COL22A1: variants seen among roughly 807,000 people sequenced by gnomAD.
The protein encoded by COL22A1 is collagen alpha-1(XXII) chain.
COL22A1 carries 221 observed loss-of-function variants against 248.9 expected under a neutral mutation model. The observed-to-expected ratio is 0.89, with a 90% CI of 0.80 to 0.99. The LOEUF is 0.99. Ranked by LOEUF, COL22A1 falls within the 50% of genes least tolerant of loss-of-function variation. The pLI is 0.00. For missense variants in COL22A1, 2,240 were observed against 2,179.0 expected (o/e 1.03, Z -0.56); for synonymous variants, 891 against 793.4 (o/e 1.12, Z -2.07).
intron 41 of COL22A1, among the ~76,000 whole-genome samples, chr8:138,668,999 A>G (rs903229613): frequency 6.6e-6 from 1 of 152,208 alleles, no homozygotes; most frequent in Non-Finnish European, 1.5e-5. Context: ...AAAGAGGAGA[A>G]GTCAGACTCT....
chr8:138,645,253 A>T lies in COL22A1; in HGVS notation c.3501+1376T>A, dbSNP rs137959021. On this transcript the variant is annotated intron_variant, in intron 47 of 64. Transcript: ENST00000303045. ...ACTGCACATGTACAGCCAGAGGACC[A>T]CTCAGAACGTGCTTATGAGTAACGC... Among the ~76,000 whole-genome samples, 599 of 152,188 alleles carry T rather than the reference A, an allele frequency of 3.9e-3. 7 individuals carry two copies. Among genetic ancestry groups the T allele is most frequent in the African/African-American group, 0.014 (578 of 41,528 alleles).
At chr8:138,778,554 G>T (rs923956482) in intron 14 of COL22A1, 148 bp from the exon 15 acceptor site, 27 of 657,684 alleles carry the variant, frequency 4.1e-5, no homozygotes, top group Non-Finnish European at 7.0e-5. Flanking sequence ...CACAGGTCTC[G>T]CCAGCAGACA....
At chr8:138,617,016 G>A (rs1397776727) in intron 53 of COL22A1, 58 bp from the exon 54 acceptor site, 5 of 1,593,280 alleles carry the variant, frequency 3.1e-6, no homozygotes, top group Non-Finnish European at 4.3e-6. Flanking sequence ...GGCAGAAGTG[G>A]GCAGGCATAC....
chr8:138,699,813 C>A (rs1186395096), intron 32 of COL22A1, among the ~76,000 whole-genome samples: 1 of 152,246 alleles, frequency 6.6e-6, no homozygotes, highest in East Asian at 1.9e-4. Context: ...CTCAAAACCA[C>A]CAGCTACTCT....
At chr8:138,640,416 C>T (rs76322356) in intron 47 of COL22A1, among the ~76,000 whole-genome samples, 5,640 of 152,150 alleles carry the variant, frequency 0.037, 164 homozygotes, top group Non-Finnish European at 0.056. Flanking sequence ...TAACTCTCTA[C>T]GACTCTCAGA....
At chr8:138,897,295 C>T (rs1482789744) in intron 1 of COL22A1, among the ~76,000 whole-genome samples, 1 of 152,136 alleles carries the variant, frequency 6.6e-6, no homozygotes, top group East Asian at 1.9e-4. Flanking sequence ...CACCTGTAAT[C>T]CCAGCACTTT....
intron 44 of COL22A1, among the ~76,000 whole-genome samples, chr8:138,658,083 C>A (rs1349948116): frequency 1.3e-5 from 2 of 152,208 alleles, no homozygotes; most frequent in African/African-American, 4.8e-5. Flanking sequence ...AGAACCTAAT[C>A]TGACACAGAA....
At chr8:138,694,013 C>T (rs868787809) in intron 34 of COL22A1, among the ~76,000 whole-genome samples, 5 of 152,122 alleles carry the variant, frequency 3.3e-5, no homozygotes, top group African/African-American at 9.7e-5. Context: ...GCAGGATCTC[C>T]TACCATAGCA....
At position 138,679,636 on chromosome 8, in the gene COL22A1, A is replaced by G. The variant is rs144461812; in HGVS notation, c.3053T>C (p.Leu1018Pro). Residue 1018 changes from leucine to proline, a missense_variant, in exon 40 of 65, where the codon CTG becomes CCG. Leu to Pro is a moderately conservative substitution (Grantham distance 98). Coordinates refer to ENST00000303045, the MANE Select transcript of COL22A1 (RefSeq NM_152888.3). ...ACTGACCTTAACACATTGCCCTCCC[A>G]GTGCACAGTTTTCTGACCCTCTGAC... The part of the protein sequence containing the change: ...GKVRGSENCA[L>P]GGQCVKGDRG... 344 of 1,614,048 alleles carry G rather than the reference A, an allele frequency of 2.1e-4. 1 individual carries two copies. In the African/African-American group the frequency reaches 4.1e-3, roughly 19 times the overall value.
chr8:138,880,643 T>C (rs1443182267), intron 2 of COL22A1, among the ~76,000 whole-genome samples: 1 of 152,182 alleles, frequency 6.6e-6, no homozygotes, highest in Admixed American at 6.5e-5. Flanking sequence ...AGGCACTGAG[T>C]TACATCCCAG....
intron 22 of COL22A1, among the ~76,000 whole-genome samples, chr8:138,745,840 G>A (rs181553330): frequency 2.4e-4 from 37 of 152,298 alleles, no homozygotes; most frequent in African/African-American, 6.7e-4. Context: ...GGATTCAGAC[G>A]TAACTGCAGC....
chr8:138,853,492 A>G (rs1323172522), intron 3 of COL22A1, among the ~76,000 whole-genome samples: 3 of 151,766 alleles, frequency 2.0e-5, no homozygotes, highest in African/African-American at 7.3e-5. Flanking sequence ...TTAAGAAGAG[A>G]CTCCCTCTTT....
intron 31 of COL22A1, among the ~76,000 whole-genome samples, chr8:138,702,928 T>A (rs1828085287): frequency 6.6e-6 from 1 of 152,160 alleles, no homozygotes; most frequent in Non-Finnish European, 1.5e-5. Context: ...CAACTCACCA[T>A]GCCCACCCTA....
intron 6 of COL22A1, among the ~76,000 whole-genome samples, chr8:138,824,864 T>C (rs1226536626): frequency 6.6e-6 from 1 of 152,200 alleles, no homozygotes; most frequent in Non-Finnish European, 1.5e-5. Flanking sequence ...CAAGGGTAAA[T>C]TTCTGTGTGC....
chr8:138,740,925 C>T (rs943646724), intron 22 of COL22A1, among the ~76,000 whole-genome samples: 4 of 152,200 alleles, frequency 2.6e-5, no homozygotes, highest in East Asian at 1.9e-4. Flanking sequence ...GCCACAGGAA[C>T]CCACCCTGTT....
intron 41 of COL22A1, among the ~76,000 whole-genome samples, chr8:138,666,864 G>T (rs1824547127): frequency 6.6e-6 from 1 of 152,108 alleles, no homozygotes; most frequent in South Asian, 2.1e-4. Flanking sequence ...TAAATTAAAG[G>T]TCTTCATTTC....
intron 16 of COL22A1, among the ~76,000 whole-genome samples, chr8:138,770,003 G>T (rs1211207010): frequency 6.6e-6 from 1 of 152,112 alleles, no homozygotes; most frequent in African/African-American, 2.4e-5. Context: ...GCCACTAACT[G>T]GGAGAGGCAT....
chr8:138,776,543 C>G (rs1166319663), intron 15 of COL22A1, among the ~76,000 whole-genome samples: 1 of 152,070 alleles, frequency 6.6e-6, no homozygotes, highest in Non-Finnish European at 1.5e-5. Flanking sequence ...GACTCCCTGC[C>G]CCTCTGTGTA....
chr8:138,626,982 A>G (rs1820297308), intron 50 of COL22A1, among the ~76,000 whole-genome samples: 1 of 152,140 alleles, frequency 6.6e-6, no homozygotes, highest in South Asian at 2.1e-4. Context: ...CAAATTTATA[A>G]TCTCCTACAA....
Sources: gnomAD v4.1 joint callset for allele counts (sites outside exome capture counted in the v4.1 genomes callset) on GRCh38, gnomAD v4.1.1 for gene constraint, MANE v1.5 for transcripts, NCBI Gene and HGNC (gene_info 2026-07-23, HGNC 2026-07-21) for gene names.